The following ANXA4 variants were observed in gnomAD, a reference collection of about 807,000 sequenced individuals.
ANXA4 encodes the protein annexin A4.
Under a neutral mutation model 49.8 loss-of-function variants are expected in ANXA4, and 39 were observed. That is an observed-to-expected ratio of 0.78 (90% CI 0.61 to 1.02). ANXA4 has a LOEUF of 1.02. Ranked by LOEUF, ANXA4 falls within the 50% of genes least tolerant of loss-of-function variation. ANXA4 has a pLI of 0.00. For missense variants in ANXA4, 360 were observed against 410.1 expected (o/e 0.88, Z 1.05); for synonymous variants, 134 against 152.5 (o/e 0.88, Z 0.89).
rs148559319 is a variant in ANXA4, at chr2:69,723,683, T to A, written n.864+2812T>A. 7.0e-4 allele frequency among the ~76,000 whole-genome samples: 107 copies of A among 152,372 alleles called. 1 individual carries two copies. The highest frequency in any genetic ancestry group is 2.5e-3 in the African/African-American group (104 of 41,590). ...ATGTCCAATCCCACACTACAGTCTT[T>A]TATGACATAGCTGTGTGATGCTATT... On this transcript the variant is annotated intron_variant and non_coding_transcript_variant, in intron 3 of 3. Coordinates refer to the ANXA4 transcript ENST00000418066.
At chr2:69,690,902 A>G (rs890788229) in intron 2 of ANXA4, among the ~76,000 whole-genome samples, 5 of 152,232 alleles carry the variant, frequency 3.3e-5, no homozygotes, top group Non-Finnish European at 7.3e-5. Context: ...ACTAATAATC[A>G]GAATTTATCC....
chr2:69,647,851 C>G (rs1019471937), intron 1 of ANXA4, among the ~76,000 whole-genome samples: 1 of 152,158 alleles, frequency 6.6e-6, no homozygotes, highest in Non-Finnish European at 1.5e-5. Context: ...GCCACCGTGC[C>G]TGACTGATAT....
At chr2:69,692,249 C>G (rs1371282272) in intron 2 of ANXA4, among the ~76,000 whole-genome samples, 1 of 152,140 alleles carries the variant, frequency 6.6e-6, no homozygotes, top group East Asian at 1.9e-4. Flanking sequence ...GTAAGGAGAT[C>G]TAACATATGG....
intron 2 of ANXA4, among the ~76,000 whole-genome samples, chr2:69,785,863 C>A (rs531365984): frequency 6.6e-6 from 1 of 152,248 alleles, no homozygotes; most frequent in South Asian, 2.1e-4. Context: ...CAAGGACCAC[C>A]CCTTCTCAGC....
chr2:69,780,277 C>A (rs1055019158), intron 1 of ANXA4, among the ~76,000 whole-genome samples: 6 of 152,178 alleles, frequency 3.9e-5, no homozygotes, highest in Non-Finnish European at 8.8e-5. Context: ...TCGCTGCAAC[C>A]TCCACCTCCC....
intron 1 of ANXA4, among the ~76,000 whole-genome samples, chr2:69,761,571 C>T (rs1002642761): frequency 1.3e-5 from 2 of 152,052 alleles, no homozygotes; most frequent in African/African-American, 4.8e-5. Flanking sequence ...CTGTGCCAGC[C>T]GTGATGCTTC....
rs139397582 is a variant in ANXA4, at chr2:69,680,637, G to A, written n.766+27355G>A. Among the ~76,000 whole-genome samples, 537 of 152,228 alleles carry A rather than the reference G, an allele frequency of 3.5e-3. 1 individual carries two copies. Among genetic ancestry groups the A allele is most frequent in the Admixed American group, 6.3e-3 (96 of 15,286 alleles). ...CCATTCAGTATGATGTTAGCTGTGG[G>A]TTTGTCCTATATGGCCTTTAGTATG... On this transcript the variant is annotated intron_variant and non_coding_transcript_variant, in intron 2 of 3. Transcript: ENST00000418066.
chr2:69,787,979 A>G, intron 2 of ANXA4, 75 bp from the exon 3 acceptor site: 1 of 1,298,628 alleles, frequency 7.7e-7, no homozygotes, highest in Non-Finnish European at 1.1e-6. Flanking sequence ...GTGCTCAACA[A>G]ATGTTTGCCG....
chr2:69,749,451 G>A (rs983813785), intron 1 of ANXA4, among the ~76,000 whole-genome samples: 3 of 152,152 alleles, frequency 2.0e-5, no homozygotes, highest in Non-Finnish European at 4.4e-5. Context: ...CTTGTTTGTA[G>A]TAGCAAAATA....
chr2:69,820,920 T>C lies in ANXA4; in HGVS notation c.906+99T>C, dbSNP rs534051151. ...GTTGTCCCCCTCTTCTTGGCATATA[T>C]CATTTCCCTTAAAGATTATGCTCCC... On this transcript the variant is annotated intron_variant, in intron 12 of 12. Coordinates refer to ENST00000394295, the MANE Select transcript of ANXA4 (RefSeq NM_001153.5). 1.7e-4 allele frequency: 220 copies of C among 1,282,554 alleles called. No homozygotes were observed. In the African/African-American group the frequency reaches 3.1e-3, roughly 18 times the overall value. The allele number at this position is 1,282,554 out of a possible 1,614,324, so 79.4% of individuals were successfully genotyped here.
At position 69,763,148 on chromosome 2, in the gene ANXA4, G is replaced by A. The variant is rs977638565; in HGVS notation, c.-46-18372G>A. 5.9e-5 allele frequency among the ~76,000 whole-genome samples: 9 copies of A among 152,206 alleles called. No individual in the cohort carries two copies. In the South Asian group the frequency reaches 6.2e-4, roughly 11 times the overall value. Reference sequence around the variant, plus strand: ...AGTTCTGTTTTTGTGCTCTTCTGCCGGAATCAGCTTGAATTTTGGAAAGAT... The same window carrying A: ...AGTTCTGTTTTTGTGCTCTTCTGCCAGAATCAGCTTGAATTTTGGAAAGAT... On this transcript the variant is annotated intron_variant, in intron 1 of 12. Coordinates refer to ENST00000394295, the MANE Select transcript of ANXA4 (RefSeq NM_001153.5).
intron 3 of ANXA4, among the ~76,000 whole-genome samples, chr2:69,725,529 C>T (rs1403258295): frequency 2.0e-5 from 3 of 151,932 alleles, no homozygotes; most frequent in Non-Finnish European, 2.9e-5. Context: ...CTTAAGTGTA[C>T]GGTTCAGTGA....
intron 1 of ANXA4, among the ~76,000 whole-genome samples, chr2:69,767,747 G>A (rs1416858067): frequency 6.6e-6 from 1 of 152,154 alleles, no homozygotes; most frequent in African/African-American, 2.4e-5. Flanking sequence ...GGAAGAGGAC[G>A]GTTTTTGTTG....
chr2:69,650,890 A>G (rs1389379385), intron 1 of ANXA4, among the ~76,000 whole-genome samples: 1 of 152,188 alleles, frequency 6.6e-6, no homozygotes, highest in Non-Finnish European at 1.5e-5. Context: ...CATTGTTTAA[A>G]TTAGTGAGGC....
At chr2:69,704,397 C>T (rs370850621) in intron 2 of ANXA4, among the ~76,000 whole-genome samples, 3 of 152,174 alleles carry the variant, frequency 2.0e-5, no homozygotes, top group East Asian at 1.9e-4. Flanking sequence ...CAATACTTAG[C>T]GTCTTAAAAT....
intron 2 of ANXA4, among the ~76,000 whole-genome samples, chr2:69,682,238 A>G (rs183100489): frequency 7.9e-5 from 12 of 152,276 alleles, no homozygotes; most frequent in Admixed American, 5.2e-4. Context: ...GTTTATTGAT[A>G]TAAACTCCCC....
At chr2:69,785,947 C>T (rs1189002302) in intron 2 of ANXA4, among the ~76,000 whole-genome samples, 1 of 152,178 alleles carries the variant, frequency 6.6e-6, no homozygotes, top group Non-Finnish European at 1.5e-5. Flanking sequence ...TCCCTGTTCC[C>T]TATTTTCACT....
intron 2 of ANXA4, among the ~76,000 whole-genome samples, chr2:69,661,504 G>C (rs991812890): frequency 2.0e-5 from 3 of 152,008 alleles, no homozygotes; most frequent in Admixed American, 6.6e-5. Flanking sequence ...GCAGTGAGCT[G>C]TGATTACAGT....
intron 2 of ANXA4, among the ~76,000 whole-genome samples, chr2:69,699,631 C>CA (rs895307794): frequency 1.5e-4 from 22 of 151,542 alleles, no homozygotes; most frequent in East Asian, 1.9e-4. Context: ...GACCCTGTCC[C>CA]AAAAAACAAA....
Sources: allele counts gnomAD v4.1 joint callset (sites outside exome capture counted in the v4.1 genomes callset), GRCh38; gene constraint gnomAD v4.1.1; transcripts MANE v1.5; gene names NCBI Gene and HGNC (gene_info 2026-07-23, HGNC 2026-07-21).